The following KCNT1 variants were observed in gnomAD, a reference collection of about 807,000 sequenced individuals.
KCNT1 encodes the protein potassium sodium-activated channel subfamily T member 1, also known as potassium channel subfamily T member 1.
KCNT1 carries 78 observed loss-of-function variants against 147.8 expected under a neutral mutation model. The ratio of observed to expected loss-of-function variants is 0.53; its 90% confidence interval spans 0.44 to 0.64. The LOEUF is 0.64. Ranked by LOEUF, KCNT1 falls within the 30% of genes least tolerant of loss-of-function variation. The pLI is 0.00. For synonymous variants in KCNT1, 867 were observed against 748.8 expected (o/e 1.16, Z -2.58); for missense variants, 1,419 against 1,750.3 (o/e 0.81, Z 3.38).
chr9:135,780,287 A>G (rs1303923268), intron 24 of KCNT1, among the ~76,000 whole-genome samples: 1 of 152,174 alleles, frequency 6.6e-6, no homozygotes, highest in African/African-American at 2.4e-5. Flanking sequence ...CCCCGAGCTC[A>G]CCGGTCTGGG....
intron 18 of KCNT1, among the ~76,000 whole-genome samples, chr9:135,772,304 CAG>C (rs1415666969): frequency 3.7e-4 from 57 of 152,172 alleles, no homozygotes; most frequent in Admixed American, 3.7e-3. Context: ...GCAGGAGTGG[CAG>C]AGTCTGCTCC....
At chr9:135,721,828 G>A (rs1044479282) in intron 2 of KCNT1, among the ~76,000 whole-genome samples, 15 of 152,316 alleles carry the variant, frequency 9.8e-5, no homozygotes, top group South Asian at 4.1e-4. Context: ...AGGCCTGCTC[G>A]CCCTTGTCTC....
chr9:135,762,740 A>C (rs1208852337), intron 11 of KCNT1, among the ~76,000 whole-genome samples: 1 of 152,182 alleles, frequency 6.6e-6, no homozygotes, highest in Non-Finnish European at 1.5e-5. Context: ...ACAGAGCGAG[A>C]TGCCATCTCA....
chr9:135,755,263 G>T, intron 6 of KCNT1, 94 bp downstream of exon 6: 1 of 1,063,170 alleles, frequency 9.4e-7, no homozygotes, highest in Non-Finnish European at 1.3e-6. Flanking sequence ...ACCCAGGCTC[G>T]GTGAGCACTG....
At chr9:135,769,378 G>C (rs867322992) in intron 15 of KCNT1, among the ~76,000 whole-genome samples, 1 of 152,182 alleles carries the variant, frequency 6.6e-6, no homozygotes, top group African/African-American at 2.4e-5. Flanking sequence ...GTGGGGCAGC[G>C]GGAGGGGCTG....
At chr9:135,757,436 C>A in intron 9 of KCNT1, 55 bp downstream of exon 9, 1 of 1,521,084 alleles carries the variant, frequency 6.6e-7, no homozygotes, top group Non-Finnish European at 9.0e-7. Flanking sequence ...CTCAGCCTCA[C>A]CGGCCCTGGA....
intron 1 of KCNT1, among the ~76,000 whole-genome samples, chr9:135,710,990 T>TGCTCCTGCTCTCC (rs1393064869): frequency 6.6e-6 from 1 of 152,174 alleles, no homozygotes; most frequent in Non-Finnish European, 1.5e-5. Context: ...GGTGGCTCTC[T>TGCTCCTGCTCTCC]GCTCCTGCTC....
At chr9:135,716,426 A>G (rs1195871879) in intron 2 of KCNT1, among the ~76,000 whole-genome samples, 1 of 152,188 alleles carries the variant, frequency 6.6e-6, no homozygotes, top group Non-Finnish European at 1.5e-5. Flanking sequence ...GGATTTCACA[A>G]TGAGTCCCTG....
intron 2 of KCNT1, among the ~76,000 whole-genome samples, chr9:135,731,974 A>G (rs1236623594): frequency 5.8e-5 from 2 of 34,700 alleles, no homozygotes; most frequent in African/African-American, 2.1e-4. Flanking sequence ...ATATATATAT[A>G]TATATATATA....
chr9:135,774,270 T>G (rs1481562426), intron 19 of KCNT1, among the ~76,000 whole-genome samples: 1 of 143,960 alleles, frequency 6.9e-6, no homozygotes, highest in Non-Finnish European at 1.5e-5. Context: ...GTGGTGTCTG[T>G]TGTGTGTGTG....
chr9:135,778,550 T>C, intron 22 of KCNT1, 55 bp downstream of exon 22: 2 of 1,603,994 alleles, frequency 1.2e-6, no homozygotes, highest in Middle Eastern at 1.7e-4. Flanking sequence ...CCTCCCCTCC[T>C]CTTCCAAAGT....
At position 135,784,081 on chromosome 9, in the gene KCNT1, G is replaced by A. The variant is rs139397246; in HGVS notation, c.2899G>A (p.Gly967Ser). The A allele has an allele frequency of 1.2e-6, 2 of 1,605,944 alleles. No individual in the cohort carries two copies. Among genetic ancestry groups the A allele is most frequent in the Non-Finnish European group, 1.7e-6 (2 of 1,179,984 alleles). Residue 967 changes from glycine to serine, a missense_variant, in exon 25 of 31, where the codon GGC becomes AGC. Coordinates refer to ENST00000371757, the MANE Select transcript of KCNT1 (RefSeq NM_020822.3). ...AFMFRLPFAA[G>S]RVFSISMLDT... ...CATGTTCCGCCTGCCGTTCGCCGCC[G>A]GCCGCGTCTTCAGCATCAGCATGTT...
intron 2 of KCNT1, among the ~76,000 whole-genome samples, chr9:135,743,155 G>A (rs567384258): frequency 6.6e-6 from 1 of 152,216 alleles, no homozygotes; most frequent in African/African-American, 2.4e-5. Context: ...CCTGGGCTCT[G>A]GCTCAGCCCA....
chr9:135,753,871 G>A (rs1425256133), intron 4 of KCNT1, 66 bp from the exon 5 acceptor site: 24 of 1,573,836 alleles, frequency 1.5e-5, no homozygotes, highest in Middle Eastern at 1.7e-4. Context: ...GGAAGCCCTC[G>A]GGCAGCAAGT....
rs1209319768 is a variant in KCNT1, at chr9:135,772,566, G to A, written c.2009-149G>A. ...TCCCTGTTGTATGGAGGGGGAAACTGAGGCATAGATTGAAGCTCCTCAGCT... is the reference window on the plus strand; with the variant it reads ...TCCCTGTTGTATGGAGGGGGAAACTAAGGCATAGATTGAAGCTCCTCAGCT... On this transcript the variant is annotated intron_variant, in intron 18 of 30. Coordinates refer to ENST00000371757, the MANE Select transcript of KCNT1 (RefSeq NM_020822.3). 5 of 486,606 alleles carry A rather than the reference G, an allele frequency of 1.0e-5. No individual in the cohort carries two copies. In the East Asian group the frequency reaches 1.7e-4, roughly 17 times the overall value. The allele number at this position is 486,606 out of a possible 1,614,324, so 30.1% of individuals were successfully genotyped here.
chr9:135,730,358 C>T lies in KCNT1; in HGVS notation c.254+15638C>T, dbSNP rs1175831047. 2.0e-5 allele frequency among the ~76,000 whole-genome samples: 3 copies of T among 152,222 alleles called. No individual in the cohort carries two copies. Among genetic ancestry groups the T allele is most frequent in the Middle Eastern group, 6.8e-3 (2 of 294 alleles). Reference sequence around the variant, plus strand: ...AGAAACCCATGACTATGTAACCATGCGTGGCGAGGGGGACCACACGTGGTG... The same window carrying T: ...AGAAACCCATGACTATGTAACCATGTGTGGCGAGGGGGACCACACGTGGTG... On this transcript the variant is annotated intron_variant, in intron 2 of 30. Coordinates refer to ENST00000371757, the MANE Select transcript of KCNT1 (RefSeq NM_020822.3). The surrounding 1 kb of genome is among the most constrained non-coding windows in gnomAD (Gnocchi z 4.7).
intron 19 of KCNT1, among the ~76,000 whole-genome samples, chr9:135,774,366 CTGTG>C (rs776529873): frequency 9.2e-4 from 101 of 109,894 alleles, no homozygotes; most frequent in Non-Finnish European, 1.7e-3. Context: ...CGTGTTGTGT[CTGTG>C]TGTGGTGTGT....
At chr9:135,741,118 C>T (rs571920089) in intron 2 of KCNT1, among the ~76,000 whole-genome samples, 13 of 152,214 alleles carry the variant, frequency 8.5e-5, no homozygotes, top group Non-Finnish European at 1.6e-4. Context: ...TCAGTGGGGA[C>T]GGCTGTCCTG....
chr9:135,713,909 G>C (rs1341743946), intron 1 of KCNT1, among the ~76,000 whole-genome samples: 1 of 152,234 alleles, frequency 6.6e-6, no homozygotes, highest in Non-Finnish European at 1.5e-5. Context: ...CCAGCTCTCT[G>C]TGTCCCTTTG....
Sources: gnomAD v4.1 joint callset for allele counts (sites outside exome capture counted in the v4.1 genomes callset) on GRCh38, gnomAD v4.1.1 for gene constraint, Gnocchi (gnomAD v3.1) non-coding constraint, MANE v1.5 for transcripts, NCBI Gene and HGNC (gene_info 2026-07-23, HGNC 2026-07-21) for gene names.